ZNF420: variants seen among roughly 807,000 people sequenced by gnomAD.
ZNF420 encodes the protein ATM and p53-associated KZNF protein.
Under a neutral mutation model 44.7 loss-of-function variants are expected in ZNF420, and 31 were observed. The observed-to-expected ratio is 0.69, with a 90% CI of 0.52 to 0.94. The LOEUF is 0.94. ZNF420 is among the 40% of genes least tolerant of loss of function. The probability of loss-of-function intolerance (pLI) is 0.00; values close to 1 mark genes in which losing one functional copy is unlikely to be tolerated. For missense variants in ZNF420, 681 were observed against 827.9 expected, an observed-to-expected ratio of 0.82 and a Z score of 2.18; for synonymous variants, 245 against 267.4, an observed-to-expected ratio of 0.92 and a Z score of 0.82.
chr19:37,054,338 C>T (rs1186876131), intron 1 of ZNF420, among the ~76,000 whole-genome samples: 1 of 152,210 alleles, frequency 6.6e-6, no homozygotes, highest in African/African-American at 2.4e-5. Flanking sequence ...TGCTTCAGCT[C>T]ATGCTGGGTG....
At chr19:37,094,145 C>A (rs1306562646) in intron 4 of ZNF420, among the ~76,000 whole-genome samples, 1 of 151,978 alleles carries the variant, frequency 6.6e-6, no homozygotes, top group South Asian at 2.1e-4. Flanking sequence ...AAATGTTTAG[C>A]CATGTTTGAT....
At chr19:37,114,967 T>A (rs1970580835) in intron 4 of ZNF420, 1 of 149,322 alleles carries the variant, frequency 6.7e-6, no homozygotes, top group South Asian at 2.1e-4. Context: ...GTGATTAGAT[T>A]TTTTTTGTAG....
intron 1 of ZNF420, among the ~76,000 whole-genome samples, chr19:37,041,791 A>G (rs1318722724): frequency 6.6e-6 from 1 of 152,170 alleles, no homozygotes; most frequent in African/African-American, 2.4e-5. Context: ...AATATAAAAA[A>G]TACTCTTTAG....
chr19:37,125,339 T>TAAAC (rs141683825), intron 4 of ZNF420, among the ~76,000 whole-genome samples: 2,936 of 152,268 alleles, frequency 0.019, 79 homozygotes, highest in East Asian at 0.049. Context: ...TAAGGATAAG[T>TAAAC]AAAAGCAACT....
At position 37,022,289 on chromosome 19, in the gene ZNF420, A is replaced by C. The variant is rs563647185; in HGVS notation, c.-125+14207A>C. On this transcript the variant is annotated intron_variant, in intron 1 of 4. Transcript: ENST00000587029. ...TAAATATATAATTAAATGTATAATA[A>C]AAGTGTAAAAATTGCAAACTAGATA... Among the ~76,000 whole-genome samples, 8 of 152,028 alleles carry C rather than the reference A, an allele frequency of 5.3e-5. No homozygotes were observed. In the South Asian group the frequency reaches 1.7e-3, roughly 32 times the overall value.
chr19:37,034,455 G>C (rs1463378101), intron 1 of ZNF420, among the ~76,000 whole-genome samples: 3 of 152,142 alleles, frequency 2.0e-5, no homozygotes, highest in African/African-American at 7.2e-5. Context: ...CCATTCTGCA[G>C]GTTGTCCTTT....
intron 4 of ZNF420, among the ~76,000 whole-genome samples, chr19:37,125,995 C>T (rs1323583448): frequency 2.0e-5 from 3 of 152,168 alleles, no homozygotes; most frequent in Non-Finnish European, 2.9e-5. Flanking sequence ...TTCTCCCCCT[C>T]TTAGCTTTTT....
upstream of ZNF420, chr19:37,078,170 G>T (rs1468863358): frequency 6.6e-6 from 1 of 152,314 alleles, no homozygotes; most frequent in African/African-American, 2.4e-5. Context: ...CGCTCTCGCA[G>T]GCCCTGAGCG....
intron 1 of ZNF420, among the ~76,000 whole-genome samples, chr19:37,049,332 A>G (rs1288385621): frequency 2.0e-5 from 3 of 152,194 alleles, no homozygotes; most frequent in African/African-American, 7.2e-5. Context: ...AGTCCCACCA[A>G]CAGTGTAAAA....
At chr19:37,116,553 A>G (rs1189289136) in intron 4 of ZNF420, among the ~76,000 whole-genome samples, 7 of 152,070 alleles carry the variant, frequency 4.6e-5, no homozygotes. Flanking sequence ...TGATTTCTGC[A>G]TTTCCATCTG....
intron 1 of ZNF420, among the ~76,000 whole-genome samples, chr19:37,044,923 T>A (rs982045686): frequency 1.3e-5 from 2 of 152,238 alleles, no homozygotes; most frequent in African/African-American, 4.8e-5. Context: ...TGTAAGCTTT[T>A]GGAGCTGATT....
At chr19:37,079,817 C>T (rs62108897) in intron 1 of ZNF420, among the ~76,000 whole-genome samples, 1 of 151,664 alleles carries the variant, frequency 6.6e-6, no homozygotes, top group Non-Finnish European at 1.5e-5. Context: ...GTCATGGTTT[C>T]ACCATGACCT....
intron 4 of ZNF420, among the ~76,000 whole-genome samples, chr19:37,124,812 C>T (rs1428216202): frequency 6.6e-6 from 1 of 152,064 alleles, no homozygotes; most frequent in Non-Finnish European, 1.5e-5. Flanking sequence ...GGATTACAGG[C>T]ACCTGCCACC....
At chr19:37,037,712 C>T (rs949219628) in intron 1 of ZNF420, among the ~76,000 whole-genome samples, 10 of 150,458 alleles carry the variant, frequency 6.6e-5, no homozygotes, top group African/African-American at 2.4e-4. Context: ...GCCTCAATAG[C>T]ATGCCTCAAT....
chr19:37,119,933 ATC>A (rs1444427829), intron 4 of ZNF420, among the ~76,000 whole-genome samples: 3 of 152,030 alleles, frequency 2.0e-5, no homozygotes, highest in Non-Finnish European at 4.4e-5. Context: ...AAGAAGTTGA[ATC>A]TCTGAATAGA....
intron 4 of ZNF420, 164 bp downstream of exon 4, chr19:37,091,285 A>C: frequency 1.6e-6 from 1 of 609,938 alleles, no homozygotes; most frequent in Non-Finnish European, 2.6e-6. Flanking sequence ...GGGCACCTTT[A>C]TCTTTTCCAT....
rs1599615934 is a variant in ZNF420 at position 37,048,282 on chromosome 19, A to G, written c.-124-32063A>G. The stretch of plus-strand genomic sequence containing the variant: ...TAGAAGCATCAGTAGGATGAAAACA[A>G]TATTTGTTTCTTAAACCTGTGCACA... On this transcript the variant is annotated intron_variant, in intron 1 of 4. Transcript: ENST00000587029. Among the ~76,000 whole-genome samples the G allele has an allele frequency of 2.0e-5, 3 of 152,330 alleles. No individual in the cohort carries two copies. The East Asian group carries it at 5.8e-4, about 29-fold the overall frequency.
chr19:37,062,347 A>G (rs1967893196), intron 1 of ZNF420, among the ~76,000 whole-genome samples: 1 of 152,162 alleles, frequency 6.6e-6, no homozygotes, highest in South Asian at 2.1e-4. Context: ...ATTTTTTGAG[A>G]CCAGAGTAAA....
At chr19:37,123,599 C>CTTTG (rs1971177216) in intron 4 of ZNF420, among the ~76,000 whole-genome samples, 1 of 80,358 alleles carries the variant, frequency 1.2e-5, no homozygotes, top group Non-Finnish European at 2.2e-5. Context: ...TTACTCTTGT[C>CTTTG]TTTTTTTTTT....
Sources: allele counts gnomAD v4.1 joint callset (sites outside exome capture counted in the v4.1 genomes callset), GRCh38; gene constraint gnomAD v4.1.1; transcripts MANE v1.5; gene names NCBI Gene and HGNC (gene_info 2026-07-23, HGNC 2026-07-21).